DPYS: variants seen among roughly 807,000 people sequenced by gnomAD.
DPYS encodes dihydropyrimidine amidohydrolase.
Under a neutral mutation model 50.3 loss-of-function variants are expected in DPYS, and 39 were observed. That is an observed-to-expected ratio of 0.78 (90% CI 0.60 to 1.01). The LOEUF is 1.01. DPYS is among the 50% of genes least tolerant of loss of function. The pLI is 0.00. For synonymous variants in DPYS, 245 were observed against 250.7 expected (o/e 0.98, Z 0.22); for missense variants, 659 against 680.9 (o/e 0.97, Z 0.36).
At chr8:104,397,736 C>T (rs182057590) in intron 7 of DPYS, among the ~76,000 whole-genome samples, 2 of 152,266 alleles carry the variant, frequency 1.3e-5, no homozygotes, top group African/African-American at 4.8e-5. Context: ...GATGATAATG[C>T]TGAAATAGTG....
chr8:104,394,491 C>T (rs983908905), intron 7 of DPYS, among the ~76,000 whole-genome samples: 5 of 152,182 alleles, frequency 3.3e-5, no homozygotes, highest in East Asian at 1.9e-4. Flanking sequence ...TACCTTCTCC[C>T]AAAATAAACC....
intron 3 of DPYS, among the ~76,000 whole-genome samples, chr8:104,447,022 C>T (rs1329398398): frequency 6.6e-6 from 1 of 152,142 alleles, no homozygotes; most frequent in African/African-American, 2.4e-5. Flanking sequence ...CTGGAGGACA[C>T]AAAGAAAAGT....
At position 104,379,450 on chromosome 8, in the gene DPYS, T is replaced by C. The variant is rs555961371; in HGVS notation, c.*408A>G. 11 of 169,954 alleles carry C rather than the reference T, an allele frequency of 6.5e-5. No individual in the cohort carries two copies. In the South Asian group the frequency reaches 1.5e-3, roughly 23 times the overall value. The allele number at this position is 169,954 out of a possible 1,614,324, so 10.5% of individuals were successfully genotyped here. ...AAGGTATAAAATGAAGATCTCAATG[T>C]TTATTAATTACAATAAAAAGTAAAA... is the stretch of plus-strand genomic sequence containing the variant. On this transcript the variant is annotated 3_prime_UTR_variant, in exon 10 of 10. Transcript: ENST00000351513.
chr8:104,451,203 G>A (rs1419414524), intron 2 of DPYS, 43 bp downstream of exon 2: 9 of 1,610,964 alleles, frequency 5.6e-6, no homozygotes, highest in Non-Finnish European at 7.6e-6. Context: ...GCAGAGTGAG[G>A]ACAAGAGGAC....
At chr8:104,398,921 C>A in intron 7 of DPYS, among the ~76,000 whole-genome samples, 1 of 152,186 alleles carries the variant, frequency 6.6e-6, no homozygotes, top group Non-Finnish European at 1.5e-5. Flanking sequence ...CATAACCTCC[C>A]CTGCAGAGCT....
intron 4 of DPYS, among the ~76,000 whole-genome samples, chr8:104,432,618 T>C (rs766351354): frequency 6.6e-6 from 1 of 152,234 alleles, no homozygotes; most frequent in Non-Finnish European, 1.5e-5. Flanking sequence ...AAGAAAAGAA[T>C]TGAGAAGGCA....
chr8:104,447,305 T>C lies in DPYS; in HGVS notation c.603+19A>G. 1 of 1,613,974 alleles carries C rather than the reference T, an allele frequency of 6.2e-7. No homozygotes were observed. The highest frequency in any genetic ancestry group is 8.5e-7 in the Non-Finnish European group (1 of 1,179,910). On this transcript the variant is annotated intron_variant, in intron 3 of 9. Transcript: ENST00000351513. Reference sequence around the variant, plus strand: ...GGCTGCTGTCATTTCTGTAGAAGCTTTGGAATGCAAATGCGTACCTCTGCA... The same window carrying C: ...GGCTGCTGTCATTTCTGTAGAAGCTCTGGAATGCAAATGCGTACCTCTGCA...
chr8:104,444,189 C>T (rs566437463), intron 4 of DPYS, 59 bp downstream of exon 4: 13 of 1,587,502 alleles, frequency 8.2e-6, no homozygotes, highest in East Asian at 4.5e-5. Flanking sequence ...AGGCTACAGA[C>T]GTGGACTTTT....
intron 9 of DPYS, chr8:104,380,943 A>G (rs1811010118): frequency 2.2e-6 from 1 of 446,590 alleles, no homozygotes; most frequent in African/African-American, 2.0e-5. Context: ...TGATTATCCA[A>G]GGCTGTATTG....
intron 7 of DPYS, among the ~76,000 whole-genome samples, chr8:104,418,203 G>A (rs138649470): frequency 3.3e-5 from 5 of 152,312 alleles, no homozygotes; most frequent in Non-Finnish European, 5.9e-5. Context: ...CAGTGCTCGG[G>A]CTGCGGGCGC....
intron 7 of DPYS, chr8:104,419,147 T>G: frequency 1.2e-6 from 1 of 801,736 alleles, no homozygotes; most frequent in East Asian, 1.3e-4. Context: ...TTCATCTTTA[T>G]CCATTCATTC....
intron 1 of DPYS, among the ~76,000 whole-genome samples, chr8:104,461,793 G>A (rs751419060): frequency 1.3e-5 from 2 of 152,082 alleles, no homozygotes; most frequent in South Asian, 2.1e-4. Flanking sequence ...AGAGAGATCC[G>A]AGACTCAGAG....
At chr8:104,427,477 C>T (rs112114341) in intron 6 of DPYS, among the ~76,000 whole-genome samples, 6,744 of 151,874 alleles carry the variant, frequency 0.044, 227 homozygotes, top group Non-Finnish European at 0.065. Context: ...TGGGGTTTCA[C>T]CATGTTAGCC....
At chr8:104,406,928 C>T (rs965051185) in intron 7 of DPYS, among the ~76,000 whole-genome samples, 1 of 152,196 alleles carries the variant, frequency 6.6e-6, no homozygotes, top group Non-Finnish European at 1.5e-5. Context: ...GAATAGTTTC[C>T]TGATCGTTTT....
chr8:104,410,480 C>T (rs562891299), intron 7 of DPYS, among the ~76,000 whole-genome samples: 1 of 152,148 alleles, frequency 6.6e-6, no homozygotes, highest in Admixed American at 6.5e-5. Flanking sequence ...TAGGCTTAAA[C>T]TGAGAGCGCT....
chr8:104,395,696 C>A (rs985471264), intron 7 of DPYS, among the ~76,000 whole-genome samples: 3 of 152,158 alleles, frequency 2.0e-5, no homozygotes, highest in African/African-American at 7.2e-5. Context: ...CATTCACCCA[C>A]TGAAGGCCAT....
chr8:104,413,942 G>A (rs866316369), intron 7 of DPYS, among the ~76,000 whole-genome samples: 12 of 152,252 alleles, frequency 7.9e-5, no homozygotes, highest in Middle Eastern at 3.4e-3. Flanking sequence ...GCTACTCATG[G>A]GCCTAAGGAT....
chr8:104,401,568 T>G (rs149553785), intron 7 of DPYS, among the ~76,000 whole-genome samples: 7 of 152,080 alleles, frequency 4.6e-5, no homozygotes, highest in Non-Finnish European at 1.0e-4. Flanking sequence ...AGAAAATAAA[T>G]AGGAAGCAGC....
chr8:104,407,966 A>AT (rs1206603523), intron 7 of DPYS, among the ~76,000 whole-genome samples: 1 of 151,456 alleles, frequency 6.6e-6, no homozygotes, highest in African/African-American at 2.4e-5. Flanking sequence ...AAAAAAAAAA[A>AT]GTCATCTTGG....
Sources: allele counts gnomAD v4.1 joint callset (sites outside exome capture counted in the v4.1 genomes callset), GRCh38; gene constraint gnomAD v4.1.1; transcripts MANE v1.5; gene names NCBI Gene and HGNC (gene_info 2026-07-23, HGNC 2026-07-21).